OCLN: variants seen among roughly 807,000 people sequenced by gnomAD.
OCLN encodes occludin, also known as phosphatase 1, regulatory subunit 115.
In OCLN, 21 loss-of-function variants were observed where a neutral mutation model predicts 47.9. The observed-to-expected ratio is 0.44, with a 90% CI of 0.31 to 0.63. The LOEUF is 0.63. Ranked by LOEUF, OCLN falls within the 30% of genes least tolerant of loss-of-function variation. The pLI is 0.08. For synonymous variants in OCLN, 117 were observed against 198.4 expected (o/e 0.59, Z 3.45); for missense variants, 360 against 571.0 (o/e 0.63, Z 3.77).
chr5:69,498,672 A>G (rs944720579), intron 1 of OCLN, among the ~76,000 whole-genome samples: 2 of 151,730 alleles, frequency 1.3e-5, no homozygotes, highest in Admixed American at 1.3e-4. Context: ...ATGCTCTTGT[A>G]TACTTTTTTT....
chr5:69,509,819 G>A lies in OCLN; in HGVS notation c.729G>A (p.Glu243=). The change falls in exon 3 of 9, where the codon GAG becomes GAA. Residue 243 remains glutamate, a splice_region_variant and synonymous_variant. Transcript: ENST00000396442. ...LYHYCVVDPQ[E]AIAIVLGFMI... ...ACTACTGTGTTGTGGATCCCCAGGAGGTATGAGTGGTGTTTTGGGTTTTTT... is the reference window on the plus strand; with the variant it reads ...ACTACTGTGTTGTGGATCCCCAGGAAGTATGAGTGGTGTTTTGGGTTTTTT... 9 of 1,612,552 alleles carry A rather than the reference G, an allele frequency of 5.6e-6. No individual in the cohort carries two copies. Among genetic ancestry groups the A allele is most frequent in the Non-Finnish European group, 7.6e-6 (9 of 1,179,298 alleles).
Position 69,493,921 on chromosome 5 carries a change from A to G in OCLN, c.-69+1021A>G, listed in dbSNP as rs1327302769. ...CCGGGCCCGAGGGAAAAGCCGCGGC[A>G]TCCTTAGGCCGGACCCGGGGCTCGC... On this transcript the variant is annotated intron_variant, in intron 1 of 8. Coordinates refer to ENST00000396442, the MANE Select transcript of OCLN (RefSeq NM_001205254.2). This position sits in a 1 kb window ranked among gnomAD's most constrained non-coding sequence, Gnocchi z 5.3. Among the ~76,000 whole-genome samples, 1 of 152,188 alleles carries G rather than the reference A, an allele frequency of 6.6e-6. No individual in the cohort carries two copies. The highest frequency in any genetic ancestry group is 1.5e-5 in the Non-Finnish European group (1 of 68,028).
At chr5:69,500,758 CA>C (rs1768435061) in intron 1 of OCLN, among the ~76,000 whole-genome samples, 1 of 152,044 alleles carries the variant, frequency 6.6e-6, no homozygotes, top group Non-Finnish European at 1.5e-5. Context: ...CTGGAAATAG[CA>C]GTTTGAAAAG....
intron 4 of OCLN, among the ~76,000 whole-genome samples, chr5:69,526,176 T>C (rs1027500976): frequency 2.0e-5 from 3 of 152,164 alleles, no homozygotes; most frequent in African/African-American, 7.2e-5. Flanking sequence ...GTTTATGATG[T>C]GTGCGCTAGG....
At chr5:69,494,174 A>G (rs541828889) in intron 1 of OCLN, among the ~76,000 whole-genome samples, 7 of 127,120 alleles carry the variant, frequency 5.5e-5, no homozygotes, top group African/African-American at 2.1e-4. Flanking sequence ...TGCACTGTAC[A>G]TATGAGGTGC....
intron 4 of OCLN, among the ~76,000 whole-genome samples, chr5:69,531,973 C>T (rs1242025825): frequency 1.3e-5 from 2 of 152,152 alleles, no homozygotes; most frequent in Non-Finnish European, 2.9e-5. Flanking sequence ...CTTCTGCCAC[C>T]TCCAAATTCT....
rs766226934 is a variant in OCLN, at chr5:69,514,128, CTT to C, written c.891+21_891+22del. On this transcript the variant is annotated intron_variant, in intron 4 of 8. Coordinates refer to ENST00000396442, the MANE Select transcript of OCLN (RefSeq NM_001205254.2). ...GGAGTGGGTAAGTGTTAAAAAATAA[CTT>C]TACATCTTTTATTAAAGCCCCAAAT... The C allele has an allele frequency of 6.8e-6, 11 of 1,608,888 alleles. No individual in the cohort carries two copies. Among genetic ancestry groups the C allele is most frequent in the Admixed American group, 1.7e-5 (1 of 59,976 alleles).
intron 4 of OCLN, among the ~76,000 whole-genome samples, chr5:69,531,364 G>A (rs916460906): frequency 6.6e-6 from 1 of 152,212 alleles, no homozygotes; most frequent in Non-Finnish European, 1.5e-5. Flanking sequence ...CTGGCAAAAG[G>A]GGAAGGGCAT....
intron 4 of OCLN, among the ~76,000 whole-genome samples, chr5:69,515,451 A>T: frequency 9.3e-6 from 1 of 107,136 alleles, no homozygotes; most frequent in South Asian, 3.4e-4. Flanking sequence ...CTGGCCGGGC[A>T]GAGGGGCTCC....
intron 3 of OCLN, among the ~76,000 whole-genome samples, chr5:69,511,271 G>C (rs1334035189): frequency 6.7e-6 from 1 of 149,376 alleles, no homozygotes; most frequent in African/African-American, 2.5e-5. Flanking sequence ...TTTTAGTAGA[G>C]ATGGGGTTTC....
intron 4 of OCLN, among the ~76,000 whole-genome samples, chr5:69,529,476 TG>T (rs1455039473): frequency 1.3e-5 from 2 of 152,266 alleles, no homozygotes; most frequent in Non-Finnish European, 2.9e-5. Flanking sequence ...AATTCTTTCT[TG>T]ATTGGAATAA....
intron 1 of OCLN, among the ~76,000 whole-genome samples, chr5:69,503,476 T>C (rs1768514662): frequency 6.6e-6 from 1 of 152,196 alleles, no homozygotes; most frequent in Admixed American, 6.5e-5. Context: ...ACCTGTGTTA[T>C]CAGCACCACA....
chr5:69,500,087 C>T (rs1162068145), intron 1 of OCLN, among the ~76,000 whole-genome samples: 1 of 152,226 alleles, frequency 6.6e-6, no homozygotes, highest in Non-Finnish European at 1.5e-5. Context: ...GTTAGTTATC[C>T]TTTCCAGTGT....
At chr5:69,525,110 TC>T (rs2112032141) in intron 4 of OCLN, among the ~76,000 whole-genome samples, 1 of 152,088 alleles carries the variant, frequency 6.6e-6, no homozygotes, top group African/African-American at 2.4e-5. Flanking sequence ...TCTTTTCTTT[TC>T]TTTTTTTTTT....
intron 4 of OCLN, among the ~76,000 whole-genome samples, chr5:69,532,394 C>T (rs532570503): frequency 6.6e-6 from 1 of 152,288 alleles, no homozygotes; most frequent in African/African-American, 2.4e-5. Context: ...GTACCAAACC[C>T]TAAAATGCCA....
At position 69,509,774 on chromosome 5, in the gene OCLN, C is replaced by G; in HGVS notation, c.684C>G (p.Tyr228Ter). The G allele has an allele frequency of 6.2e-7, 1 of 1,614,016 alleles. No homozygotes were observed. Among genetic ancestry groups the G allele is most frequent in the South Asian group, 1.1e-5 (1 of 91,084 alleles). Residue 228 changes from tyrosine (Y) to a stop codon, truncating the protein, a stop_gained, in exon 3 of 9, where the codon TAC becomes TAG. Transcript: ENST00000396442. LOFTEE classifies it high-confidence loss of function. ...ATACACCTGCAGCTACTGGACTCTA[C>G]GTGGATCAGTATTTGTATCACTACT... Reference protein sequence around the residue: ...QFYTPAATGLYVDQYLYHYCV... With the variant: ...QFYTPAATGL
intron 3 of OCLN, among the ~76,000 whole-genome samples, chr5:69,511,100 A>T (rs1245008582): frequency 6.6e-6 from 1 of 151,166 alleles, no homozygotes; most frequent in East Asian, 1.9e-4. Context: ...TTTGAGACGG[A>T]GTCTTGCTCT....
At chr5:69,532,995 A>ATGTG (rs746546559) in intron 4 of OCLN, among the ~76,000 whole-genome samples, 82 of 48,952 alleles carry the variant, frequency 1.7e-3, no homozygotes, top group African/African-American at 6.0e-3. Context: ...ATATGTATGC[A>ATGTG]TGTATGTGTG....
chr5:69,524,429 T>C (rs1481801498), intron 4 of OCLN, among the ~76,000 whole-genome samples: 1 of 152,244 alleles, frequency 6.6e-6, no homozygotes, highest in Non-Finnish European at 1.5e-5. Flanking sequence ...CCTGCATACA[T>C]GTATAACTTA....
Sources: allele counts gnomAD v4.1 joint callset (sites outside exome capture counted in the v4.1 genomes callset), GRCh38; gene constraint gnomAD v4.1.1; non-coding constraint Gnocchi (gnomAD v3.1); transcripts MANE v1.5; gene names NCBI Gene and HGNC (gene_info 2026-07-23, HGNC 2026-07-21).